The following MYCBP2 variants were observed in gnomAD, a reference collection of about 807,000 sequenced individuals.
MYCBP2 encodes the protein MYC binding protein 2.
MYCBP2 carries 120 observed loss-of-function variants against 525.3 expected under a neutral mutation model. That is an observed-to-expected ratio of 0.23 (90% confidence interval 0.20 to 0.27). The LOEUF (loss-of-function observed/expected upper bound fraction) is 0.27. Among genes scored for constraint, MYCBP2 ranks in the 10% least tolerant of loss-of-function variants. The pLI is 1.00. For missense variants in MYCBP2, 4,149 were observed against 5,657.1 expected (o/e 0.73, Z 8.55); for synonymous variants, 1,894 against 1,955.8 (o/e 0.97, Z 0.83).
Position 77,273,468 on chromosome 13 carries a change from A to C in MYCBP2, c.945+4T>G, listed in dbSNP as rs1383909647. On this transcript the variant is annotated splice_donor_region_variant and intron_variant, in intron 5 of 82. Transcript: ENST00000544440. ...ACTTCTAAGCAGATATAAATATGAAATACCTGAATAGTTTGGCAAGCATGG... is the reference window on the plus strand; with the variant it reads ...ACTTCTAAGCAGATATAAATATGAACTACCTGAATAGTTTGGCAAGCATGG... 5.1e-6 allele frequency: 8 copies of C among 1,567,492 alleles called. No individual in the cohort carries two copies. The Middle Eastern group carries it at 7.0e-4, about 138-fold the overall frequency.
chr13:77,121,342 G>GT (rs2050659207), intron 55 of MYCBP2, 31 bp downstream of exon 55: 16 of 1,464,408 alleles, frequency 1.1e-5, no homozygotes, highest in Non-Finnish European at 1.5e-5. Flanking sequence ...TTGAAGTTAG[G>GT]TAAGTAAAAG....
chr13:77,278,778 G>T lies in MYCBP2; in HGVS notation c.728C>A (p.Ser243Tyr). Reference protein sequence around the residue: ...LQGQQPEGLQSEPPEVLESLF... With the variant: ...LQGQQPEGLQYEPPEVLESLF... ...CTTACCTAGGACCTCAGGTGGCTCA[G>T]ACTGGAGGCCTTCTGGCTGCTGGCC... Residue 243 changes from serine (S) to tyrosine (Y), a missense_variant, in exon 4 of 83, where the codon TCT becomes TAT. Around this residue, in one of 21 missense-constraint regions of MYCBP2, gnomAD observed 413 missense variants for 451.2 expected, o/e 0.92. Coordinates refer to ENST00000544440, the MANE Select transcript of MYCBP2 (RefSeq NM_015057.5). 6.4e-7 allele frequency: 1 copy of T among 1,568,770 alleles called. No individual in the cohort carries two copies. The highest frequency in any genetic ancestry group is 1.2e-5 in the South Asian group (1 of 82,994).
Position 77,158,010 on chromosome 13 carries a change from G to C in MYCBP2, c.6697C>G (p.Gln2233Glu). ...ALEGNLPLQIQSNEQSFLDDF... is the reference protein window; with the variant it reads ...ALEGNLPLQIESNEQSFLDDF... ...TCCAGAAAAGACTGTTCATTGCTTT[G>C]GATTTGGAGTGGTAAATTTCCCTCA... The change falls in exon 45 of 83, where the codon CAA becomes GAA. Residue 2233 changes from glutamine (Q) to glutamate (E), a missense_variant. Physicochemically the swap from Gln to Glu is conservative, Grantham distance 29 (BLOSUM62 2). Around this residue, in one of 21 missense-constraint regions of MYCBP2, gnomAD observed 692 missense variants for 852.7 expected, o/e 0.81. Transcript: ENST00000544440. 6.2e-7 allele frequency: 1 copy of C among 1,613,636 alleles called. No individual in the cohort carries two copies. Among genetic ancestry groups the C allele is most frequent in the Non-Finnish European group, 8.5e-7 (1 of 1,179,774 alleles).
Position 77,051,882 on chromosome 13 carries a change from C to T in MYCBP2, c.13684G>A (p.Ala4562Thr). 2 of 1,614,158 alleles carry T rather than the reference C, an allele frequency of 1.2e-6. No homozygotes were observed. Among genetic ancestry groups the T allele is most frequent in the East Asian group, 2.2e-5 (1 of 44,874 alleles). ...FGGEARCDAE[A>T]GRGDDYDPRE... is the part of the protein sequence containing the mutation. ...GGATCATAATCATCTCCCCGTCCAG[C>T]CTCAGCATCGCAGCGAGCTTCACCA... The change falls in exon 81 of 83, where the codon GCT becomes ACT. Residue 4562 changes from alanine to threonine, a missense_variant. Ala to Thr is a moderately conservative substitution (Grantham distance 58). Around this residue, in one of 21 missense-constraint regions of MYCBP2, gnomAD observed 24 missense variants for 24.9 expected, o/e 0.96. Coordinates refer to ENST00000544440, the MANE Select transcript of MYCBP2 (RefSeq NM_015057.5).
intron 3 of MYCBP2, among the ~76,000 whole-genome samples, chr13:77,286,597 C>CA (rs1195967464): frequency 1.4e-4 from 21 of 144,988 alleles, no homozygotes; most frequent in African/African-American, 2.3e-4. Context: ...ACTAAAAATA[C>CA]AAAAAAAAAT....
intron 3 of MYCBP2, 110 bp downstream of exon 3, chr13:77,288,051 A>G (rs772384720): frequency 1.7e-5 from 18 of 1,079,678 alleles, no homozygotes; most frequent in Non-Finnish European, 2.3e-5. Context: ...TGTTATTTTT[A>G]GTGTGCAATT....
chr13:77,205,604 AC>A lies in MYCBP2; in HGVS notation c.3590-7del. On this transcript the variant is annotated splice_polypyrimidine_tract_variant and splice_region_variant and intron_variant, in intron 24 of 82. Transcript: ENST00000544440. ...TGCCAAGGTATCAAGACAACCTAAA[AC>A]AACAAAGAAACAAAATTTAACTCCT... is the stretch of plus-strand genomic sequence containing the variant. 6.2e-7 allele frequency: 1 copy of A among 1,604,370 alleles called. No homozygotes were observed. The highest frequency in any genetic ancestry group is 8.5e-7 in the Non-Finnish European group (1 of 1,177,428).
intron 52 of MYCBP2, chr13:77,129,751 A>C (rs561403967): frequency 6.6e-6 from 1 of 152,074 alleles, no homozygotes; most frequent in Non-Finnish European, 1.5e-5. Flanking sequence ...AAAAAGTCTG[A>C]GTCATTTTTT....
At chr13:77,198,232 T>C (rs182717490) in intron 26 of MYCBP2, among the ~76,000 whole-genome samples, 1 of 152,358 alleles carries the variant, frequency 6.6e-6, no homozygotes, top group Non-Finnish European at 1.5e-5. Context: ...GTCCTAATCA[T>C]TATTCTATCA....
At chr13:77,299,584 C>T (rs530269669) in intron 1 of MYCBP2, among the ~76,000 whole-genome samples, 5 of 152,220 alleles carry the variant, frequency 3.3e-5, no homozygotes, top group African/African-American at 1.2e-4. Context: ...ATATAACACA[C>T]CATTATATCT....
At chr13:77,206,168 T>G (rs1380641083) in intron 24 of MYCBP2, among the ~76,000 whole-genome samples, 2 of 151,896 alleles carry the variant, frequency 1.3e-5, no homozygotes, top group Non-Finnish European at 2.9e-5. Flanking sequence ...AGTTACAAAA[T>G]AATATATTGC....
intron 40 of MYCBP2, among the ~76,000 whole-genome samples, chr13:77,168,188 T>C (rs1413994792): frequency 6.6e-6 from 1 of 152,148 alleles, no homozygotes; most frequent in Non-Finnish European, 1.5e-5. Flanking sequence ...CACACTATAC[T>C]TGTAGGAAGA....
chr13:77,119,207 A>T (rs1018444854), intron 55 of MYCBP2, among the ~76,000 whole-genome samples: 19 of 152,176 alleles, frequency 1.2e-4, no homozygotes, highest in African/African-American at 1.7e-4. Context: ...TTTTACAAAA[A>T]TTTTTTTTAA....
chr13:77,209,629 A>G (rs2063739076), intron 23 of MYCBP2, among the ~76,000 whole-genome samples: 3 of 152,154 alleles, frequency 2.0e-5, no homozygotes, highest in Admixed American at 1.3e-4. Context: ...TCATGTCTTC[A>G]TAAGAATGAT....
In MYCBP2 at chr13:77,261,357, A is replaced by G. The variant is rs1451555887; in HGVS notation, c.1666T>C (p.Tyr556His). ...CCTTGTTTGATTCCAAGACTCTGGT[A>G]TTTGCCAGTGTAATATATCTTATGT... ...ANGKIYYTGK[Y>H]QSLGIKQGGP... Residue 556 changes from tyrosine (Y) to histidine (H), a missense_variant, in exon 12 of 83, where the codon TAC becomes CAC. Tyr to His is a moderately conservative substitution (Grantham distance 83). Around this residue, in one of 21 missense-constraint regions of MYCBP2, gnomAD observed 262 missense variants for 419.3 expected, o/e 0.62. Transcript: ENST00000544440. 6.2e-7 allele frequency: 1 copy of G among 1,608,226 alleles called. No homozygotes were observed. Among genetic ancestry groups the G allele is most frequent in the South Asian group, 1.1e-5 (1 of 90,906 alleles).
chr13:77,070,719 T>TAA lies in MYCBP2; in HGVS notation c.11824-9_11824-8insTT, dbSNP rs1555305351. 1.3e-6 allele frequency: 2 copies of TAA among 1,505,128 alleles called. No homozygotes were observed. The highest frequency in any genetic ancestry group is 4.2e-5 in the Admixed American group (2 of 47,668). The allele number at this position is 1,505,128 out of a possible 1,614,324, so 93.2% of individuals were successfully genotyped here. ...GTCAGCATCTGATGTTGCCTTTACA[T>TAA]AGAAAAAGAAAAAAAAAAAAAAGAA... On this transcript the variant is annotated splice_polypyrimidine_tract_variant and intron_variant, in intron 68 of 82. Transcript: ENST00000544440.
At chr13:77,172,238 G>A (rs1003182547) in intron 37 of MYCBP2, among the ~76,000 whole-genome samples, 3 of 151,786 alleles carry the variant, frequency 2.0e-5, no homozygotes, top group Non-Finnish European at 4.4e-5. Flanking sequence ...CACGCGAAGA[G>A]CTGAGGGAAA....
intron 1 of MYCBP2, among the ~76,000 whole-genome samples, chr13:77,311,185 G>A (rs988725604): frequency 1.7e-4 from 26 of 152,116 alleles, no homozygotes; most frequent in African/African-American, 6.3e-4. Context: ...CTGGCCAGAG[G>A]AACTGAGAAA....
Position 77,326,690 on chromosome 13 carries a change from G to C in MYCBP2, c.86C>G (p.Ser29Cys). 1 of 1,448,486 alleles carries C rather than the reference G, an allele frequency of 6.9e-7. No individual in the cohort carries two copies. Among genetic ancestry groups the C allele is most frequent in the Non-Finnish European group, 9.0e-7 (1 of 1,108,774 alleles). 89.7% of individuals were successfully genotyped at this position (1,448,486 alleles called of 1,614,324 possible). ...CAGCGCCCCCGGCGCCGGGGAGGAA[G>C]AGAAGGTGGCGGCTGGGTAGAATCC... ...GDGFYPAATF[S>C]SSPAPGALFM... is the part of the protein sequence containing the mutation. The change falls in exon 1 of 83, where the codon TCT becomes TGT. Residue 29 changes from serine (S) to cysteine (C), a missense_variant. This residue lies in a region of MYCBP2 where 413 missense variants were observed against 451.2 expected (regional missense o/e 0.92). Coordinates refer to ENST00000544440, the MANE Select transcript of MYCBP2 (RefSeq NM_015057.5). The surrounding 1 kb of genome is among the most constrained non-coding windows in gnomAD (Gnocchi z 4.2).
Sources: gnomAD v4.1 joint callset for allele counts (sites outside exome capture counted in the v4.1 genomes callset) on GRCh38, gnomAD v4.1.1 for gene constraint, gnomAD v4.1.1 regional missense constraint, Gnocchi (gnomAD v3.1) non-coding constraint, MANE v1.5 for transcripts, NCBI Gene and HGNC (gene_info 2026-07-23, HGNC 2026-07-21) for gene names.